The following ADAM2 variants were observed in gnomAD, a reference collection of about 807,000 sequenced individuals.
ADAM2 encodes ADAM metallopeptidase domain 2, also known as disintegrin and metalloproteinase domain-containing protein 2.
In ADAM2, 101 loss-of-function variants were observed where a neutral mutation model predicts 99.3. The observed-to-expected ratio is 1.02, with a 90% CI of 0.87 to 1.20. The LOEUF is 1.20. Among genes scored for constraint, ADAM2 ranks in the 50% most tolerant of loss-of-function variants. The pLI, the probability that ADAM2 is intolerant of heterozygous loss-of-function variation, is 0.00. For missense variants in ADAM2, 948 were observed against 878.7 expected (o/e 1.08, Z -1.00); for synonymous variants, 323 against 287.6 (o/e 1.12, Z -1.25).
At chr8:39,761,078 T>G in intron 15 of ADAM2, 98 bp downstream of exon 15, 1 of 611,990 alleles carries the variant, frequency 1.6e-6, no homozygotes. Context: ...TACTTTATGT[T>G]CAGGGGATAT....
intron 3 of ADAM2, among the ~76,000 whole-genome samples, chr8:39,831,965 G>A (rs569838202): frequency 1.3e-5 from 2 of 152,238 alleles, no homozygotes; most frequent in South Asian, 2.1e-4. Flanking sequence ...ATGCAAGGAT[G>A]TTAATTCTCA....
At chr8:39,772,596 T>C (rs1429527762) in intron 11 of ADAM2, among the ~76,000 whole-genome samples, 5 of 152,066 alleles carry the variant, frequency 3.3e-5, no homozygotes, top group Admixed American at 3.3e-4. Flanking sequence ...TTGTAGCCAT[T>C]ATTCCTTTGT....
intron 7 of ADAM2, among the ~76,000 whole-genome samples, chr8:39,798,662 C>T (rs1417295359): frequency 6.6e-6 from 1 of 152,140 alleles, no homozygotes; most frequent in South Asian, 2.1e-4. Context: ...GTGAGTCTGT[C>T]TGGTCCTGGG....
chr8:39,803,287 A>C (rs1029350191), intron 7 of ADAM2, among the ~76,000 whole-genome samples: 2 of 152,176 alleles, frequency 1.3e-5, no homozygotes, highest in Admixed American at 6.5e-5. Flanking sequence ...CATACTAAAA[A>C]TCCACATGAC....
At chr8:39,792,079 T>C (rs1193328606) in intron 7 of ADAM2, among the ~76,000 whole-genome samples, 1 of 151,566 alleles carries the variant, frequency 6.6e-6, no homozygotes, top group Non-Finnish European at 1.5e-5. Context: ...AGCACTACCA[T>C]CTTGGGCTTT....
At chr8:39,761,031 G>A (rs453419) in intron 15 of ADAM2, 145 bp downstream of exon 15, 6,222 of 450,718 alleles carry the variant, frequency 0.014, 331 homozygotes, top group African/African-American at 0.12. Flanking sequence ...GAGGAGAAAT[G>A]TGTCTATGAT....
chr8:39,828,976 C>A (rs529410201), intron 3 of ADAM2, among the ~76,000 whole-genome samples: 46 of 151,754 alleles, frequency 3.0e-4, no homozygotes, highest in African/African-American at 1.1e-3. Context: ...ACAGATAAAA[C>A]CATATATAAA....
At chr8:39,797,141 G>A (rs1034058894) in intron 7 of ADAM2, among the ~76,000 whole-genome samples, 2 of 152,140 alleles carry the variant, frequency 1.3e-5, no homozygotes, top group African/African-American at 2.4e-5. Context: ...TTTCCTGAAT[G>A]GTATTGCCTA....
chr8:39,749,331 A>T lies in ADAM2; in HGVS notation c.1995T>A (p.Ala665=). The T allele has an allele frequency of 6.2e-7, 1 of 1,612,862 alleles. No individual in the cohort carries two copies. Among genetic ancestry groups the T allele is most frequent in the Non-Finnish European group, 8.5e-7 (1 of 1,179,176 alleles). Residue 665 remains alanine, a synonymous_variant, in exon 18 of 21, where the codon GCT becomes GCA. Coordinates refer to ENST00000265708, the MANE Select transcript of ADAM2 (RefSeq NM_001464.5). ...ACTTACCAGGGAGTCTGGCTGGTAT[A>T]GCTACAGGTGGAAAATTGCCACTGT... ...SIDSGNFPPV[A]IPARLPERRY...
Position 39,821,594 on chromosome 8 carries a change from A to C in ADAM2, c.336T>G (p.Thr112=), listed in dbSNP as rs764211248. ...AAACAGTAAATTACAACCTGAGTCC[A>C]GTACATGTGCTAACCATCACCACAG... ...PKSVVMVSTC[T]GLRGVLQFEN... is the part of the protein sequence containing the mutation. The change falls in exon 5 of 21, where the codon ACT becomes ACG. Residue 112 remains threonine, a synonymous_variant. Coordinates refer to ENST00000265708, the MANE Select transcript of ADAM2 (RefSeq NM_001464.5). 6.3e-7 allele frequency: 1 copy of C among 1,596,208 alleles called. No individual in the cohort carries two copies. Among genetic ancestry groups the C allele is most frequent in the South Asian group, 1.1e-5 (1 of 90,266 alleles).
intron 6 of ADAM2, among the ~76,000 whole-genome samples, chr8:39,816,881 T>C (rs1303418393): frequency 6.6e-6 from 1 of 152,170 alleles, no homozygotes; most frequent in Admixed American, 6.5e-5. Context: ...AAACAATATA[T>C]AGAATAGCAG....
chr8:39,777,258 G>T (rs970248937), intron 10 of ADAM2, 97 bp from the exon 11 acceptor site: 8 of 936,094 alleles, frequency 8.5e-6, no homozygotes, highest in Non-Finnish European at 1.3e-5. Flanking sequence ...AATGGAATAG[G>T]GGCATCTGTT....
intron 15 of ADAM2, among the ~76,000 whole-genome samples, chr8:39,760,577 C>T (rs1484709017): frequency 2.6e-5 from 4 of 151,888 alleles, no homozygotes; most frequent in African/African-American, 9.7e-5. Flanking sequence ...AAAAATTAGA[C>T]GGGCGTGGTG....
intron 3 of ADAM2, among the ~76,000 whole-genome samples, chr8:39,825,225 C>G (rs1236233106): frequency 6.6e-6 from 1 of 152,158 alleles, no homozygotes; most frequent in South Asian, 2.1e-4. Context: ...GCTTATACAT[C>G]AACTTCCCAC....
intron 3 of ADAM2, among the ~76,000 whole-genome samples, chr8:39,825,952 C>T (rs746436878): frequency 2.6e-5 from 4 of 152,114 alleles, no homozygotes; most frequent in Admixed American, 6.6e-5. Flanking sequence ...AGGGTTTGCA[C>T]TGAATCTGTA....
chr8:39,825,123 G>C (rs1274664900), intron 3 of ADAM2, among the ~76,000 whole-genome samples: 1 of 152,154 alleles, frequency 6.6e-6, no homozygotes, highest in Non-Finnish European at 1.5e-5. Flanking sequence ...CAACAGGCAA[G>C]CTTGGACCTC....
rs1803374189 is a variant in ADAM2 at position 39,784,509 on chromosome 8, C to T, written c.891+2465G>A. 1.3e-5 allele frequency among the ~76,000 whole-genome samples: 2 copies of T among 152,238 alleles called. 1 individual carries two copies. The highest frequency in any genetic ancestry group is 2.9e-5 in the Non-Finnish European group (2 of 68,014). ...GATCCTCCTACCTCAGTTAGGACTA[C>T]AGGGGCCTTCCACCATGCCTGGCGA... On this transcript the variant is annotated intron_variant, in intron 10 of 20. Coordinates refer to ENST00000265708, the MANE Select transcript of ADAM2 (RefSeq NM_001464.5).
At chr8:39,751,727 T>TA (rs1563334235) in intron 16 of ADAM2, among the ~76,000 whole-genome samples, 1 of 152,194 alleles carries the variant, frequency 6.6e-6, no homozygotes, top group African/African-American at 2.4e-5. Context: ...TGTTTTGAGA[T>TA]AAGAATCATA....
At chr8:39,797,066 G>A (rs562197157) in intron 7 of ADAM2, among the ~76,000 whole-genome samples, 152 of 152,184 alleles carry the variant, frequency 1.0e-3, no homozygotes, top group African/African-American at 3.6e-3. Context: ...GATCCTATTT[G>A]TCAATTCTGG....
Sources: gnomAD v4.1 joint callset for allele counts (sites outside exome capture counted in the v4.1 genomes callset) on GRCh38, gnomAD v4.1.1 for gene constraint, MANE v1.5 for transcripts, NCBI Gene and HGNC (gene_info 2026-07-23, HGNC 2026-07-21) for gene names.